SMYD3: variants seen among roughly 807,000 people sequenced by gnomAD.
The protein encoded by SMYD3 is SET and MYND domain containing 3, also known as histone-lysine N-methyltransferase SMYD3.
Under a neutral mutation model 57.7 loss-of-function variants are expected in SMYD3, and 36 were observed. That is an observed-to-expected ratio of 0.62 (90% CI 0.48 to 0.82). The LOEUF (loss-of-function observed/expected upper bound fraction) is 0.82, where lower values mean the gene tolerates loss of function less well. SMYD3 is among the 40% of genes least tolerant of loss of function. The pLI, the probability that SMYD3 is intolerant of heterozygous loss-of-function variation, is 0.00. For synonymous variants in SMYD3, 211 were observed against 195.0 expected (o/e 1.08, Z -0.68); for missense variants, 515 against 538.8 (o/e 0.96, Z 0.44).
intron 5 of SMYD3, chr1:245,953,216 A>T: frequency 1.0e-6 from 1 of 998,692 alleles, no homozygotes; most frequent in Non-Finnish European, 1.2e-6. Context: ...GGAGAAAGAA[A>T]CAAAGCAAGA....
intron 5 of SMYD3, among the ~76,000 whole-genome samples, chr1:246,020,290 T>C (rs569657179): frequency 1.3e-5 from 2 of 152,350 alleles, no homozygotes; most frequent in Admixed American, 6.5e-5. Context: ...AATAAAACAG[T>C]GTTCTCAAGA....
At chr1:246,123,054 G>A (rs6694030) in intron 5 of SMYD3, among the ~76,000 whole-genome samples, 12,269 of 152,108 alleles carry the variant, frequency 0.081, 998 homozygotes, top group African/African-American at 0.19. Flanking sequence ...ATAACAGACT[G>A]TCCTTTACAA....
intron 11 of SMYD3, among the ~76,000 whole-genome samples, chr1:245,762,326 A>G (rs371110065): frequency 1.3e-4 from 20 of 152,310 alleles, no homozygotes; most frequent in African/African-American, 4.8e-4. Flanking sequence ...CATAGTTTCT[A>G]GTCCCATATA....
intron 10 of SMYD3, among the ~76,000 whole-genome samples, chr1:245,820,508 C>G (rs2148336296): frequency 6.7e-6 from 1 of 149,656 alleles, no homozygotes; most frequent in East Asian, 2.0e-4. Flanking sequence ...CCCTCTCTCA[C>G]CACTCCTATT....
chr1:245,917,916 A>T (rs1325397374), intron 7 of SMYD3, among the ~76,000 whole-genome samples: 1 of 152,174 alleles, frequency 6.6e-6, no homozygotes, highest in Non-Finnish European at 1.5e-5. Context: ...AAAGCATCTC[A>T]TGTCTACAAA....
intron 5 of SMYD3, among the ~76,000 whole-genome samples, chr1:245,968,503 C>T (rs894096148): frequency 6.6e-6 from 1 of 152,062 alleles, no homozygotes; most frequent in Non-Finnish European, 1.5e-5. Flanking sequence ...CAGAATTCAC[C>T]TTATATTGAA....
intron 1 of SMYD3, among the ~76,000 whole-genome samples, chr1:246,463,858 G>A (rs1288773251): frequency 7.2e-6 from 1 of 138,274 alleles, no homozygotes; most frequent in Admixed American, 7.2e-5. Flanking sequence ...AAAAAAAAGA[G>A]TGTGGAATTA....
chr1:246,178,806 C>T (rs2062479768), intron 5 of SMYD3: 1 of 151,656 alleles, frequency 6.6e-6, no homozygotes, highest in African/African-American at 2.4e-5. Flanking sequence ...AAGGGAAAGA[C>T]TGAATCATAT....
chr1:246,148,183 A>G (rs2061886520), intron 5 of SMYD3, among the ~76,000 whole-genome samples: 1 of 152,160 alleles, frequency 6.6e-6, no homozygotes, highest in Admixed American at 6.5e-5. Flanking sequence ...CCATGGGCCA[A>G]TCGGCAGGAA....
At chr1:246,479,353 A>T (rs2103057444) in intron 1 of SMYD3, among the ~76,000 whole-genome samples, 1 of 152,342 alleles carries the variant, frequency 6.6e-6, no homozygotes, top group Non-Finnish European at 1.5e-5. Context: ...TTTAACTGCC[A>T]AATGAGTATA....
intron 1 of SMYD3, among the ~76,000 whole-genome samples, chr1:246,498,557 C>T (rs866656144): frequency 1.3e-5 from 2 of 152,200 alleles, no homozygotes; most frequent in South Asian, 2.1e-4. Context: ...TGGTGAAACC[C>T]TGTCTCTACT....
At chr1:246,278,266 A>G (rs2064373752) in intron 5 of SMYD3, among the ~76,000 whole-genome samples, 1 of 150,974 alleles carries the variant, frequency 6.6e-6, no homozygotes, top group South Asian at 2.1e-4. Flanking sequence ...CTGAGAAGAC[A>G]AACTTTAAGT....
At chr1:245,981,927 G>A (rs2058605465) in intron 5 of SMYD3, among the ~76,000 whole-genome samples, 1 of 152,230 alleles carries the variant, frequency 6.6e-6, no homozygotes, top group African/African-American at 2.4e-5. Context: ...GGCTTGGGCA[G>A]GCGAGTCTCC....
chr1:246,247,745 T>C (rs1257750562), intron 5 of SMYD3, among the ~76,000 whole-genome samples: 1 of 152,074 alleles, frequency 6.6e-6, no homozygotes, highest in Non-Finnish European at 1.5e-5. Flanking sequence ...TTAACACTTT[T>C]TATTTTCTAG....
At chr1:245,963,281 TA>T (rs1042190702) in intron 5 of SMYD3, among the ~76,000 whole-genome samples, 24 of 151,812 alleles carry the variant, frequency 1.6e-4, no homozygotes, top group Admixed American at 3.9e-4. Flanking sequence ...TATACAGTGT[TA>T]AAAAAAAATT....
At chr1:246,166,990 A>G (rs1440215366) in intron 5 of SMYD3, among the ~76,000 whole-genome samples, 2 of 152,166 alleles carry the variant, frequency 1.3e-5, no homozygotes, top group African/African-American at 4.8e-5. Flanking sequence ...CTCCGTCTCT[A>G]TGGATTCATC....
intron 5 of SMYD3, among the ~76,000 whole-genome samples, chr1:246,263,187 A>C (rs916021357): frequency 2.6e-5 from 4 of 152,218 alleles, no homozygotes; most frequent in African/African-American, 9.6e-5. Flanking sequence ...GACATGGATA[A>C]GGTTGAATGT....
intron 5 of SMYD3, among the ~76,000 whole-genome samples, chr1:246,323,601 G>A (rs758479063): frequency 1.3e-5 from 2 of 152,104 alleles, no homozygotes; most frequent in Non-Finnish European, 2.9e-5. Context: ...CATCCTCCCT[G>A]AGCCCTTTCC....
At chr1:246,500,048 G>C (rs2068433431) in intron 1 of SMYD3, among the ~76,000 whole-genome samples, 1 of 89,510 alleles carries the variant, frequency 1.1e-5, no homozygotes, top group South Asian at 3.2e-4. Context: ...GCTGGATTCT[G>C]CACTACCATC....
Sources: gnomAD v4.1 joint callset for allele counts (sites outside exome capture counted in the v4.1 genomes callset) on GRCh38, gnomAD v4.1.1 for gene constraint, MANE v1.5 for transcripts, NCBI Gene and HGNC (gene_info 2026-07-23, HGNC 2026-07-21) for gene names.